The following CLVS1 variants were observed in gnomAD, a reference collection of about 807,000 sequenced individuals.
CLVS1 encodes the protein clavesin 1, also known as clavesin-1.
CLVS1 carries 10 observed loss-of-function variants against 33.1 expected under a neutral mutation model. The ratio of observed to expected loss-of-function variants is 0.30; its 90% confidence interval spans 0.19 to 0.51. CLVS1 has a LOEUF of 0.51. Ranked by LOEUF, CLVS1 falls within the 20% of genes least tolerant of loss-of-function variation. CLVS1 has a pLI of 0.97. For synonymous variants in CLVS1, 163 were observed against 166.1 expected (o/e 0.98, Z 0.14); for missense variants, 343 against 433.4 (o/e 0.79, Z 1.85).
the CLVS1 span, among the ~76,000 whole-genome samples, chr8:60,979,912 C>G: frequency 6.6e-6 from 1 of 152,206 alleles, no homozygotes; most frequent in African/African-American, 2.4e-5. Context: ...GGATTTTGTT[C>G]TAATCACTAT....
At chr8:61,185,143 G>GCT (rs376138569) in intron 2 of CLVS1, among the ~76,000 whole-genome samples, 2 of 143,764 alleles carry the variant, frequency 1.4e-5, no homozygotes, top group Admixed American at 6.8e-5. Context: ...AGAGAGTATA[G>GCT]TTTTTGTTTT....
chr8:61,081,962 CA>C (rs1043516314), intron 1 of CLVS1, among the ~76,000 whole-genome samples: 62 of 152,096 alleles, frequency 4.1e-4, no homozygotes, highest in Admixed American at 3.1e-3. Context: ...TTTCAAAAGA[CA>C]AAGCAAGCAT....
At chr8:61,460,925 TC>T (rs1817344550) in intron 5 of CLVS1, among the ~76,000 whole-genome samples, 1 of 152,256 alleles carries the variant, frequency 6.6e-6, no homozygotes, top group Non-Finnish European at 1.5e-5. Context: ...AGAATCTTGA[TC>T]CCACATGTTT....
Position 61,118,039 on chromosome 8 carries a change from A to T in CLVS1, c.-242-13731A>T, listed in dbSNP as rs534433979. Among the ~76,000 whole-genome samples the T allele has an allele frequency of 1.1e-4, 17 of 152,258 alleles. 1 individual carries two copies. The South Asian group carries it at 3.1e-3, about 28-fold the overall frequency. On this transcript the variant is annotated intron_variant, in intron 1 of 2. Transcript: ENST00000522621. Reference sequence around the variant, plus strand: ...GGTTGGTAAGCTATGGATTATTGCCACAATTTCAGATCCTGTTATTGGTCT... The same window carrying T: ...GGTTGGTAAGCTATGGATTATTGCCTCAATTTCAGATCCTGTTATTGGTCT...
chr8:61,017,787 G>A, the CLVS1 span, among the ~76,000 whole-genome samples: 1 of 152,164 alleles, frequency 6.6e-6, no homozygotes, highest in East Asian at 1.9e-4. Flanking sequence ...AGGGCTGGGG[G>A]GGCTCCTCTG....
chr8:61,150,271 T>C (rs16926944), intron 2 of CLVS1, among the ~76,000 whole-genome samples: 2,596 of 152,148 alleles, frequency 0.017, 78 homozygotes, highest in African/African-American at 0.06. Flanking sequence ...TCACTTCTGG[T>C]CCAGCAGGGG....
the CLVS1 span, among the ~76,000 whole-genome samples, chr8:61,030,591 A>G: frequency 6.6e-6 from 1 of 152,190 alleles, no homozygotes; most frequent in Non-Finnish European, 1.5e-5. Flanking sequence ...TGATTGTGAC[A>G]TTGTAACACT....
intron 2 of CLVS1, among the ~76,000 whole-genome samples, chr8:61,222,707 T>C (rs745672820): frequency 2.6e-5 from 4 of 152,118 alleles, no homozygotes; most frequent in Non-Finnish European, 5.9e-5. Flanking sequence ...TGATGCAGAG[T>C]TGAGTTCAAG....
At chr8:61,409,481 CCTT>C (rs79364842) in intron 3 of CLVS1, among the ~76,000 whole-genome samples, 85,760 of 151,690 alleles carry the variant, frequency 0.57, 28,466 homozygotes, top group Non-Finnish European at 0.73. Context: ...AGAACTCCCT[CCTT>C]ATTTCTTTTG....
intron 2 of CLVS1, among the ~76,000 whole-genome samples, chr8:61,235,087 T>G (rs1390201284): frequency 6.6e-6 from 1 of 152,198 alleles, no homozygotes; most frequent in Non-Finnish European, 1.5e-5. Context: ...TCTAGGGAAC[T>G]GGGCATAGCT....
Position 61,099,400 on chromosome 8 carries a change from A to G in CLVS1, c.-242-32370A>G, listed in dbSNP as rs113429646. 6.3e-3 allele frequency among the ~76,000 whole-genome samples: 953 copies of G among 152,086 alleles called. 10 individuals carry two copies. Among genetic ancestry groups the G allele is most frequent in the African/African-American group, 0.021 (865 of 41,464 alleles). ...TTGGACCTTTGTCTTTTTTTTAATG[A>G]TTCATTTATTTATTTAACAAATATT... On this transcript the variant is annotated intron_variant, in intron 1 of 2. Transcript: ENST00000522621.
chr8:61,439,491 C>T (rs375716140), intron 3 of CLVS1, among the ~76,000 whole-genome samples: 9 of 152,172 alleles, frequency 5.9e-5, no homozygotes, highest in African/African-American at 2.2e-4. Flanking sequence ...CTTCTCTCCT[C>T]CCAGCTCTAG....
chr8:61,115,305 TAGTA>T (rs1159361857), intron 1 of CLVS1, among the ~76,000 whole-genome samples: 1 of 152,028 alleles, frequency 6.6e-6, no homozygotes, highest in Non-Finnish European at 1.5e-5. Flanking sequence ...GTCTAGCAAA[TAGTA>T]AGGATTTAAA....
chr8:61,496,965 AACT>A (rs1371126166), intron 5 of CLVS1, among the ~76,000 whole-genome samples: 1 of 152,286 alleles, frequency 6.6e-6, no homozygotes, highest in Admixed American at 6.5e-5. Flanking sequence ...AGATGGAAAA[AACT>A]AAGGGTTGTG....
intron 1 of CLVS1, among the ~76,000 whole-genome samples, chr8:61,112,549 T>C (rs757266592): frequency 2.0e-5 from 3 of 152,250 alleles, no homozygotes; most frequent in Non-Finnish European, 2.9e-5. Context: ...AGATTTGAAA[T>C]AATTAGCCAA....
chr8:61,131,243 T>C (rs1259387007), intron 1 of CLVS1, among the ~76,000 whole-genome samples: 1 of 152,180 alleles, frequency 6.6e-6, no homozygotes. Context: ...CCTGAGCACA[T>C]ATGCATTTTA....
chr8:61,270,477 T>G (rs1009486278), intron 2 of CLVS1, among the ~76,000 whole-genome samples: 5 of 152,206 alleles, frequency 3.3e-5, no homozygotes, highest in African/African-American at 1.2e-4. Flanking sequence ...AAAATTCCCT[T>G]TTTTTGTTGT....
chr8:61,226,793 G>T (rs560669473), intron 2 of CLVS1, among the ~76,000 whole-genome samples: 181 of 152,254 alleles, frequency 1.2e-3, no homozygotes, highest in Non-Finnish European at 1.9e-3. Flanking sequence ...TTGCTATTTG[G>T]TGTCAGCAGT....
chr8:61,244,821 T>A (rs1456586782), intron 2 of CLVS1, among the ~76,000 whole-genome samples: 1 of 152,142 alleles, frequency 6.6e-6, no homozygotes, highest in Non-Finnish European at 1.5e-5. Flanking sequence ...TTGATTTTAA[T>A]CTTTTAAAAT....
Sources: gnomAD v4.1 joint callset for allele counts (sites outside exome capture counted in the v4.1 genomes callset) on GRCh38, gnomAD v4.1.1 for gene constraint, MANE v1.5 for transcripts, NCBI Gene and HGNC (gene_info 2026-07-23, HGNC 2026-07-21) for gene names.